Variants in RGS6 observed in about 807,000 individuals in gnomAD.
RGS6 encodes the protein regulator of G-protein signaling 6.
RGS6 carries 30 observed loss-of-function variants against 78.5 expected under a neutral mutation model. The observed-to-expected ratio is 0.38, with a 90% confidence interval of 0.29 to 0.52. The LOEUF (loss-of-function observed/expected upper bound fraction) is 0.52, where lower values mean the gene tolerates loss of function less well. RGS6 is among the 20% of genes least tolerant of loss of function. The probability of loss-of-function intolerance (pLI) is 0.85; values close to 1 mark genes in which losing one functional copy is unlikely to be tolerated. For missense variants in RGS6, 495 were observed against 609.7 expected, an observed-to-expected ratio of 0.81 and a Z score of 1.98; for synonymous variants, 206 against 206.0, an observed-to-expected ratio of 1.00 and a Z score of 0.00.
intron 3 of RGS6, among the ~76,000 whole-genome samples, chr14:72,433,586 T>C (rs2094759692): frequency 1.3e-5 from 2 of 152,104 alleles, no homozygotes; most frequent in African/African-American, 4.8e-5. Flanking sequence ...GCATCGTAAG[T>C]AGGATGTAGA....
At chr14:72,442,483 A>G (rs1048776515) in intron 3 of RGS6, among the ~76,000 whole-genome samples, 1 of 152,126 alleles carries the variant, frequency 6.6e-6, no homozygotes, top group Non-Finnish European at 1.5e-5. Flanking sequence ...GCACCCCACA[A>G]ATAGTTCAAT....
intron 15 of RGS6, among the ~76,000 whole-genome samples, chr14:72,534,996 C>T (rs1006126573): frequency 2.0e-5 from 3 of 152,228 alleles, no homozygotes; most frequent in Non-Finnish European, 4.4e-5. Flanking sequence ...GCCAACCTCC[C>T]TCCTAACACA....
At chr14:72,481,731 T>C (rs1382241368) in intron 12 of RGS6, among the ~76,000 whole-genome samples, 2 of 152,120 alleles carry the variant, frequency 1.3e-5, no homozygotes, top group East Asian at 3.8e-4. Context: ...TGTTGCAGAA[T>C]GTATTGTCTC....
Position 72,326,800 on chromosome 14 carries a change from C to T in RGS6, c.85-25295C>T, listed in dbSNP as rs547447412. ...TCGGCTCACTGCAAGCTCCACCTCC[C>T]GGGCTCACGCCATTGTCCTGCCTCA... On this transcript the variant is annotated intron_variant, in intron 2 of 17. Transcript: ENST00000553525. Among the ~76,000 whole-genome samples the T allele has an allele frequency of 1.2e-4, 19 of 152,304 alleles. No individual in the cohort carries two copies. In the South Asian group the frequency reaches 2.1e-3, roughly 17 times the overall value.
chr14:71,954,060 C>A (rs926529968), intron 1 of RGS6, among the ~76,000 whole-genome samples: 3 of 127,710 alleles, frequency 2.3e-5, no homozygotes, highest in African/African-American at 8.7e-5. Flanking sequence ...CCTCATTCTT[C>A]TATAGGTAAG....
chr14:71,981,887 C>A (rs567723160), intron 2 of RGS6, among the ~76,000 whole-genome samples: 1 of 142,372 alleles, frequency 7.0e-6, no homozygotes, highest in African/African-American at 2.5e-5. Context: ...CCCCCAGCCT[C>A]GTTGCCGCCT....
At chr14:72,495,408 T>A (rs2096631630) in intron 13 of RGS6, 146 bp downstream of exon 13, 1 of 639,492 alleles carries the variant, frequency 1.6e-6, no homozygotes, top group Non-Finnish European at 2.9e-6. Context: ...TGAGTTCTAC[T>A]TACAGTTTCT....
intron 3 of RGS6, among the ~76,000 whole-genome samples, chr14:72,422,218 T>G (rs992918576): frequency 1.3e-5 from 2 of 152,194 alleles, no homozygotes; most frequent in Non-Finnish European, 2.9e-5. Flanking sequence ...ACCTCTTTCT[T>G]TTGTAAATTG....
intron 14 of RGS6, chr14:72,511,481 G>A (rs1333495330): frequency 1.3e-5 from 2 of 152,234 alleles, no homozygotes; most frequent in African/African-American, 2.4e-5. Flanking sequence ...TGCCTGTAAC[G>A]ACCTTGTAGG....
At chr14:72,115,020 T>C (rs757661364) in intron 2 of RGS6, among the ~76,000 whole-genome samples, 2 of 152,226 alleles carry the variant, frequency 1.3e-5, no homozygotes, top group African/African-American at 2.4e-5. Context: ...GATCATTTAC[T>C]AACTATCTGG....
the RGS6 span, among the ~76,000 whole-genome samples, chr14:71,905,139 A>G: frequency 1.3e-5 from 2 of 152,146 alleles, no homozygotes; most frequent in Admixed American, 6.5e-5. Flanking sequence ...ACCTGAAGTC[A>G]CTCTCTGCCC....
At chr14:71,967,374 GGA>G (rs1240567300) in intron 2 of RGS6, among the ~76,000 whole-genome samples, 1 of 151,950 alleles carries the variant, frequency 6.6e-6, no homozygotes, top group Non-Finnish European at 1.5e-5. Flanking sequence ...TTGAACTATG[GGA>G]TTTTCATATA....
rs1595830470 is a variant in RGS6, at chr14:72,325,658, C to T, written c.85-26437C>T. ...TTGTCAGTTTTGACAAAGGACTATT[C>T]TTCTTAACATGTTAAAAATCTCTTG... On this transcript the variant is annotated intron_variant, in intron 2 of 17. Coordinates refer to ENST00000553525, the MANE Select transcript of RGS6 (RefSeq NM_001204424.2). Among the ~76,000 whole-genome samples the T allele has an allele frequency of 2.6e-5, 4 of 151,880 alleles. No homozygotes were observed. The South Asian group carries it at 8.3e-4, about 32-fold the overall frequency.
chr14:72,337,482 C>T (rs568338793), intron 2 of RGS6, among the ~76,000 whole-genome samples: 85 of 152,148 alleles, frequency 5.6e-4, no homozygotes, highest in African/African-American at 2.0e-3. Context: ...CCTCTACTTA[C>T]AACCTTGCCC....
the RGS6 span, among the ~76,000 whole-genome samples, chr14:72,580,310 C>A: frequency 6.9e-6 from 1 of 144,156 alleles, no homozygotes; most frequent in African/African-American, 2.7e-5. Flanking sequence ...AAAAATGTCC[C>A]CCCCACCCCG....
chr14:72,051,418 C>T (rs1423590343), intron 2 of RGS6, among the ~76,000 whole-genome samples: 2 of 151,050 alleles, frequency 1.3e-5, no homozygotes, highest in African/African-American at 2.4e-5. Flanking sequence ...GGAAAATTAG[C>T]GCCGAAATTG....
the RGS6 span, among the ~76,000 whole-genome samples, chr14:71,924,295 G>A: frequency 1.3e-5 from 2 of 152,228 alleles, no homozygotes; most frequent in East Asian, 1.9e-4. Context: ...TATGTTTAAG[G>A]TGTACAGCAT....
At chr14:72,599,590 T>C in the RGS6 span, among the ~76,000 whole-genome samples, 1 of 145,226 alleles carries the variant, frequency 6.9e-6, no homozygotes, top group East Asian at 2.0e-4. Flanking sequence ...TTTTTTTTTT[T>C]TTTTTTTGTA....
chr14:72,497,691 A>G (rs1383164206), intron 13 of RGS6, among the ~76,000 whole-genome samples: 1 of 152,132 alleles, frequency 6.6e-6, no homozygotes, highest in Non-Finnish European at 1.5e-5. Context: ...TTTTAAACCA[A>G]CATTTTTGAA....
Sources: gnomAD v4.1 joint callset for allele counts (sites outside exome capture counted in the v4.1 genomes callset) on GRCh38, gnomAD v4.1.1 for gene constraint, MANE v1.5 for transcripts, NCBI Gene and HGNC (gene_info 2026-07-23, HGNC 2026-07-21) for gene names.